The following PTPRD variants were observed in gnomAD, a reference collection of about 807,000 sequenced individuals.
PTPRD encodes the protein protein tyrosine phosphatase receptor type D, also known as receptor-type tyrosine-protein phosphatase delta.
In PTPRD, 34 loss-of-function variants were observed where a neutral mutation model predicts 214.5. The observed-to-expected ratio is 0.16, with a 90% CI of 0.12 to 0.21. The LOEUF is 0.21. PTPRD is among the 10% of genes least tolerant of loss of function. The pLI, the probability that PTPRD is intolerant of heterozygous loss-of-function variation, is 1.00. For synonymous variants in PTPRD, 1,128 were observed against 845.7 expected, an observed-to-expected ratio of 1.33 and a Z score of -5.79; for missense variants, 2,545 against 2,398.7, an observed-to-expected ratio of 1.06 and a Z score of -1.27.
At chr9:9,363,394 C>A (rs2056883986) in intron 9 of PTPRD, among the ~76,000 whole-genome samples, 1 of 151,260 alleles carries the variant, frequency 6.6e-6, no homozygotes, top group Admixed American at 6.6e-5. Context: ...ACTAGGAGAT[C>A]TGAAACAAAT....
chr9:10,449,320 C>T (rs891278761), intron 2 of PTPRD, among the ~76,000 whole-genome samples: 3 of 151,954 alleles, frequency 2.0e-5, no homozygotes, highest in South Asian at 2.1e-4. Flanking sequence ...GGATTGCAGA[C>T]GGAGTCTCGC....
Position 8,412,876 on chromosome 9 carries a change from CT to C in PTPRD, c.4087-8217del, listed in dbSNP as rs1224676931. Among the ~76,000 whole-genome samples, 4 of 152,094 alleles carry C rather than the reference CT, an allele frequency of 2.6e-5. No individual in the cohort carries two copies. In the East Asian group the frequency reaches 7.7e-4, roughly 29 times the overall value. On this transcript the variant is annotated intron_variant, in intron 35 of 45. Transcript: ENST00000381196. ...AAAAAGAGCACAGCTGCATATGGTT[CT>C]CACTTTTTGCATTTCATATAATAGA...
At chr9:9,256,222 T>A (rs1447456977) in intron 9 of PTPRD, among the ~76,000 whole-genome samples, 1 of 152,002 alleles carries the variant, frequency 6.6e-6, no homozygotes, top group East Asian at 1.9e-4. Context: ...GACAATGACA[T>A]TGCTGGCCTT....
chr9:8,372,142 G>A (rs759529244), intron 39 of PTPRD, among the ~76,000 whole-genome samples: 1 of 151,832 alleles, frequency 6.6e-6, no homozygotes, highest in Non-Finnish European at 1.5e-5. Flanking sequence ...AAGTCTCATG[G>A]GATTGCCATA....
intron 5 of PTPRD, among the ~76,000 whole-genome samples, chr9:9,879,619 G>C (rs1367883361): frequency 1.3e-5 from 2 of 152,136 alleles, no homozygotes; most frequent in African/African-American, 4.8e-5. Flanking sequence ...ACTCACATCT[G>C]TCAGACCAGG....
intron 11 of PTPRD, among the ~76,000 whole-genome samples, chr9:8,951,163 G>GTGTGTGTA (rs1472771357): frequency 6.6e-6 from 1 of 151,718 alleles, no homozygotes; most frequent in African/African-American, 2.4e-5. Flanking sequence ...GTGTGTAAGA[G>GTGTGTGTA]AGAGAGAGAG....
At chr9:8,760,582 T>C (rs73423004) in intron 11 of PTPRD, among the ~76,000 whole-genome samples, 7,104 of 151,462 alleles carry the variant, frequency 0.047, 409 homozygotes, top group African/African-American at 0.14. Flanking sequence ...CTCTCTCCCT[T>C]GCTCCCTCTC....
chr9:10,069,619 C>A (rs2097956035), intron 3 of PTPRD, among the ~76,000 whole-genome samples: 1 of 151,902 alleles, frequency 6.6e-6, no homozygotes, highest in Admixed American at 6.6e-5. Flanking sequence ...GCTTAACACT[C>A]AACATAATTA....
chr9:9,785,791 G>C (rs757726214), intron 5 of PTPRD, among the ~76,000 whole-genome samples: 1 of 151,940 alleles, frequency 6.6e-6, no homozygotes, highest in African/African-American at 2.4e-5. Context: ...TTTTACAATG[G>C]CTATGTCAGT....
intron 3 of PTPRD, among the ~76,000 whole-genome samples, chr9:10,313,902 A>C (rs2096344036): frequency 6.6e-6 from 1 of 151,866 alleles, no homozygotes; most frequent in Non-Finnish European, 1.5e-5. Context: ...GAAAGAGGTA[A>C]GGAAAAGTCT....
intron 3 of PTPRD, among the ~76,000 whole-genome samples, chr9:10,232,069 G>A (rs1438376603): frequency 6.7e-6 from 1 of 148,300 alleles, no homozygotes; most frequent in African/African-American, 2.5e-5. Context: ...TCCTCCTCCT[G>A]TCTGGTCCCT....
chr9:10,297,194 G>C (rs868513510), intron 3 of PTPRD, among the ~76,000 whole-genome samples: 1 of 150,508 alleles, frequency 6.6e-6, no homozygotes, highest in Non-Finnish European at 1.5e-5. Context: ...TGTTACATAT[G>C]TATACATGTG....
At chr9:8,775,147 T>G (rs1395200101) in intron 11 of PTPRD, among the ~76,000 whole-genome samples, 1 of 152,138 alleles carries the variant, frequency 6.6e-6, no homozygotes, top group Non-Finnish European at 1.5e-5. Context: ...GTATTTAAAA[T>G]AAAATACATC....
chr9:9,304,788 TGACA>T (rs1471409918), intron 9 of PTPRD, among the ~76,000 whole-genome samples: 1 of 151,508 alleles, frequency 6.6e-6, no homozygotes, highest in African/African-American at 2.4e-5. Context: ...GAAAAAGAGC[TGACA>T]GTCTTATTGT....
chr9:8,813,785 G>C (rs975257595), intron 11 of PTPRD, among the ~76,000 whole-genome samples: 2 of 152,188 alleles, frequency 1.3e-5, no homozygotes, highest in Non-Finnish European at 2.9e-5. Context: ...GAGCTACTTT[G>C]TTAAGCAATA....
At chr9:9,030,819 A>T (rs909282406) in intron 10 of PTPRD, among the ~76,000 whole-genome samples, 1 of 152,028 alleles carries the variant, frequency 6.6e-6, no homozygotes, top group Non-Finnish European at 1.5e-5. Context: ...TGTATACTCT[A>T]GATTGCAATT....
chr9:8,400,906 AAG>A (rs1378689233), intron 36 of PTPRD, among the ~76,000 whole-genome samples: 1 of 152,166 alleles, frequency 6.6e-6, no homozygotes, highest in Non-Finnish European at 1.5e-5. Context: ...TCAGAAATGA[AAG>A]AGATTACCAC....
chr9:10,244,507 T>G (rs1443112356), intron 3 of PTPRD, among the ~76,000 whole-genome samples: 1 of 152,158 alleles, frequency 6.6e-6, no homozygotes, highest in Non-Finnish European at 1.5e-5. Context: ...GATCTGAGTT[T>G]ATAGTCAAAA....
chr9:10,264,444 G>C (rs189967921), intron 3 of PTPRD, among the ~76,000 whole-genome samples: 1 of 152,292 alleles, frequency 6.6e-6, no homozygotes, highest in East Asian at 1.9e-4. Flanking sequence ...GTGAGACATG[G>C]AGTCAAAGGA....
Sources: allele counts gnomAD v4.1 joint callset (sites outside exome capture counted in the v4.1 genomes callset), GRCh38; gene constraint gnomAD v4.1.1; transcripts MANE v1.5; gene names NCBI Gene and HGNC (gene_info 2026-07-23, HGNC 2026-07-21).